Variants in MBOAT4 observed in about 807,000 individuals in gnomAD.
MBOAT4 encodes the protein membrane-bound ghrelin O-acyltransferase MBOAT4.
MBOAT4 carries 11 observed loss-of-function variants against 13.2 expected under a neutral mutation model. That is an observed-to-expected ratio of 0.84 (90% confidence interval 0.53 to 1.38). The LOEUF is 1.38. Among genes scored for constraint, MBOAT4 ranks in the 40% most tolerant of loss-of-function variants. The pLI is 0.00. For missense variants in MBOAT4, 481 were observed against 527.2 expected (o/e 0.91, Z 0.86); for synonymous variants, 202 against 210.3 (o/e 0.96, Z 0.34).
At chr8:30,143,347 C>CAA (rs776274086) in intron 1 of MBOAT4, among the ~76,000 whole-genome samples, 233 of 143,294 alleles carry the variant, frequency 1.6e-3, no homozygotes, top group East Asian at 5.2e-3. Context: ...GACTCCGTCT[C>CAA]AAAAAAAAAA....
At chr8:30,139,921 A>C (rs1003777361) in intron 1 of MBOAT4, among the ~76,000 whole-genome samples, 27 of 152,222 alleles carry the variant, frequency 1.8e-4, no homozygotes, top group African/African-American at 6.0e-4. Context: ...TGATGACACC[A>C]TTACACTTCA....
intron 2 of MBOAT4, among the ~76,000 whole-genome samples, chr8:30,134,902 C>T (rs1341433748): frequency 6.6e-6 from 1 of 151,876 alleles, no homozygotes; most frequent in Non-Finnish European, 1.5e-5. Flanking sequence ...TTTCCTGAGA[C>T]ACGGTCTCAC....
chr8:30,144,366 C>G (rs971436509), intron 1 of MBOAT4, 117 bp downstream of exon 1: 1 of 664,782 alleles, frequency 1.5e-6, no homozygotes, highest in East Asian at 3.0e-5. Flanking sequence ...AAACCCCTGG[C>G]CTCAAGTGAT....
chr8:30,137,329 ACACTGACACAG>A (rs1338600379), intron 2 of MBOAT4: 2 of 1,551,688 alleles, frequency 1.3e-6, no homozygotes, highest in Non-Finnish European at 1.7e-6. Flanking sequence ...AGGAAGAGAA[ACACTGACACAG>A]CAGCTGCCTC....
intron 2 of MBOAT4, among the ~76,000 whole-genome samples, chr8:30,136,771 C>T (rs1042162168): frequency 1.3e-5 from 2 of 151,512 alleles, no homozygotes; most frequent in Admixed American, 1.3e-4. Context: ...CTCTGTCACC[C>T]AGGCTGGAGT....
chr8:30,132,591 C>A lies in MBOAT4; in HGVS notation c.660G>T (p.Val220=). The A allele has an allele frequency of 6.4e-7, 1 of 1,551,774 alleles. No homozygotes were observed. Among genetic ancestry groups the A allele is most frequent in the Non-Finnish European group, 8.7e-7 (1 of 1,147,012 alleles). ...LQILGLECLN[V]AVSRVVDAGA... is the part of the protein sequence containing the mutation. ...CTGCATCCACCACCCTGCTCACTGC[C>A]ACGTTTAGGCATTCTAGTCCAAGAA... The change falls in exon 3 of 3, where the codon GTG becomes GTT. Residue 220 remains valine, a synonymous_variant. Coordinates refer to ENST00000320542, the MANE Select transcript of MBOAT4 (RefSeq NM_001100916.2).
At position 30,132,926 on chromosome 8, in the gene MBOAT4, AG is replaced by A. The variant is rs758330242; in HGVS notation, c.345-21del. On this transcript the variant is annotated intron_variant, in intron 2 of 2. Transcript: ENST00000320542. ...CAGAACCTGCAAGATAATTTTTTAA[AG>A]AACATAAAAACACTCTGTATTTATT... 1 of 1,488,490 alleles carries A rather than the reference AG, an allele frequency of 6.7e-7. No individual in the cohort carries two copies. The highest frequency in any genetic ancestry group is 8.9e-7 in the Non-Finnish European group (1 of 1,120,244). The allele number at this position is 1,488,490 out of a possible 1,614,324, so 92.2% of individuals were successfully genotyped here.
At chr8:30,135,058 T>G (rs1467231529) in intron 2 of MBOAT4, among the ~76,000 whole-genome samples, 9 of 988 alleles carry the variant, frequency 9.1e-3, no homozygotes, top group Non-Finnish European at 0.044. Context: ...TTTTGTGGGT[T>G]TTTTTTTTTT....
At chr8:30,144,195 C>T (rs1255240243) in intron 1 of MBOAT4, among the ~76,000 whole-genome samples, 1 of 151,010 alleles carries the variant, frequency 6.6e-6, no homozygotes, top group African/African-American at 2.4e-5. Context: ...AGTGCAATGG[C>T]GCCATCTCGG....
chr8:30,136,730 C>CTT (rs11390350), intron 2 of MBOAT4, among the ~76,000 whole-genome samples: 6,947 of 143,768 alleles, frequency 0.048, 609 homozygotes, highest in African/African-American at 0.17. Context: ...TCCCCCCGAA[C>CTT]TTTTTTTTTT....
chr8:30,136,507 G>A (rs890527946), intron 2 of MBOAT4, among the ~76,000 whole-genome samples: 8 of 152,126 alleles, frequency 5.3e-5, no homozygotes, highest in Non-Finnish European at 1.0e-4. Flanking sequence ...AGCCCTGCCC[G>A]ACTAGCAGAG....
At position 30,143,393 on chromosome 8, in the gene MBOAT4, AT is replaced by A. The variant is rs1563223851; in HGVS notation, c.119+1089del. ...TATATATATATATATATATATATATATATATATAAAAATAAATAAAATAAAA... is the reference window on the plus strand; with the variant it reads ...TATATATATATATATATATATATATAATATATAAAAATAAATAAAATAAAA... On this transcript the variant is annotated intron_variant, in intron 1 of 2. Transcript: ENST00000320542. 1.3e-3 allele frequency among the ~76,000 whole-genome samples: 6 copies of A among 4,532 alleles called. No individual in the cohort carries two copies. The East Asian group carries it at 0.023, about 17-fold the overall frequency. The allele number at this position is 4,532 out of a possible 152,430, so 3.0% of individuals were successfully genotyped here. A position where few individuals can be genotyped will look rare whatever the true frequency, so the allele number is the denominator to read the frequency against.
At chr8:30,143,706 C>A (rs899221883) in intron 1 of MBOAT4, among the ~76,000 whole-genome samples, 1 of 152,128 alleles carries the variant, frequency 6.6e-6, no homozygotes, top group Non-Finnish European at 1.5e-5. Context: ...TATTTCATTT[C>A]TCTGAGAATT....
chr8:30,134,359 G>GT (rs1199209354), intron 2 of MBOAT4, among the ~76,000 whole-genome samples: 1 of 151,556 alleles, frequency 6.6e-6, no homozygotes, highest in Non-Finnish European at 1.5e-5. Context: ...GGAGGCGGAG[G>GT]TTGCAGTGAG....
intron 1 of MBOAT4, among the ~76,000 whole-genome samples, chr8:30,143,746 A>C (rs1431261570): frequency 6.6e-6 from 1 of 152,270 alleles, no homozygotes; most frequent in Non-Finnish European, 1.5e-5. Context: ...AATCACATTT[A>C]GTTATAATAA....
chr8:30,139,761 C>A (rs2117547821), intron 1 of MBOAT4, among the ~76,000 whole-genome samples: 1 of 151,324 alleles, frequency 6.6e-6, no homozygotes, highest in East Asian at 2.0e-4. Context: ...AGTTTGAGAC[C>A]AGCCTGGGCA....
At chr8:30,141,388 A>C (rs1292591026) in intron 1 of MBOAT4, among the ~76,000 whole-genome samples, 3 of 152,094 alleles carry the variant, frequency 2.0e-5, no homozygotes, top group Non-Finnish European at 4.4e-5. Flanking sequence ...TAATCCCAGC[A>C]CTTTGGGAGG....
intron 2 of MBOAT4, chr8:30,137,350 C>T (rs1172759698): frequency 1.3e-5 from 20 of 1,551,692 alleles, no homozygotes; most frequent in Non-Finnish European, 1.7e-5. Context: ...GCAGCTGCCT[C>T]TCCCAGCAGC....
At position 30,132,316 on chromosome 8, in the gene MBOAT4, C is replaced by T. The variant is rs147712548; in HGVS notation, c.935G>A (p.Arg312Gln). Residue 312 changes from arginine (R) to glutamine (Q), a missense_variant, in exon 3 of 3, where the codon CGA (arginine) becomes CAA (glutamine). Arg to Gln is a conservative substitution (Grantham distance 43). Coordinates refer to ENST00000320542, the MANE Select transcript of MBOAT4 (RefSeq NM_001100916.2). ...CTGGAATACAAGCCGTCGGAGCCAT[C>T]GAGCTGTGCTTTGGTTCCACTTTCT... The part of the protein sequence containing the change: ...FSRKWNQSTA[R>Q]WLRRLVFQHS... The T allele has an allele frequency of 1.9e-3, 3,025 of 1,551,762 alleles. 23 individuals carry two copies. Among genetic ancestry groups the T allele is most frequent in the South Asian group, 0.015 (1,223 of 84,066 alleles).
Sources: gnomAD v4.1 joint callset for allele counts (sites outside exome capture counted in the v4.1 genomes callset) on GRCh38, gnomAD v4.1.1 for gene constraint, MANE v1.5 for transcripts, NCBI Gene and HGNC (gene_info 2026-07-23, HGNC 2026-07-21) for gene names.